Variants in ANKS1B observed in about 807,000 individuals in gnomAD.
The protein encoded by ANKS1B is ankyrin repeat and sterile alpha motif domain containing 1B.
Under a neutral mutation model 148.3 loss-of-function variants are expected in ANKS1B, and 36 were observed. That is an observed-to-expected ratio of 0.24 (90% CI 0.19 to 0.32). ANKS1B has a LOEUF of 0.32. Ranked by LOEUF, ANKS1B falls within the 10% of genes least tolerant of loss-of-function variation. The pLI is 1.00. For synonymous variants in ANKS1B, 542 were observed against 560.8 expected, an observed-to-expected ratio of 0.97 and a Z score of 0.47; for missense variants, 1,157 against 1,542.6, an observed-to-expected ratio of 0.75 and a Z score of 4.19.
intron 8 of ANKS1B, among the ~76,000 whole-genome samples, chr12:99,666,860 GTGTGTGTGTGTGTGTGTGTGTGT>G (rs2098510251): frequency 1.1e-5 from 1 of 87,288 alleles, no homozygotes; most frequent in Admixed American, 1.3e-4. Flanking sequence ...ACTATGGGGT[GTGTGTGTGTGTGTGTGTGTGTGT>G]GTGTGTGTGT....
At chr12:99,910,674 T>C (rs947653870) in intron 1 of ANKS1B, among the ~76,000 whole-genome samples, 7 of 151,906 alleles carry the variant, frequency 4.6e-5, no homozygotes, top group Non-Finnish European at 8.8e-5. Flanking sequence ...AACCATCCAA[T>C]TAAAAACTTT....
intron 9 of ANKS1B, among the ~76,000 whole-genome samples, chr12:99,571,252 C>G (rs1165147555): frequency 1.3e-5 from 2 of 152,180 alleles, no homozygotes; most frequent in East Asian, 1.9e-4. Context: ...CTCCACAACC[C>G]TTAAAGAAGA....
intron 22 of ANKS1B, among the ~76,000 whole-genome samples, chr12:98,789,956 C>T (rs1293780371): frequency 6.6e-6 from 1 of 152,092 alleles, no homozygotes; most frequent in Non-Finnish European, 1.5e-5. Context: ...GAGGATTACA[C>T]AAGCATAAGA....
intron 9 of ANKS1B, among the ~76,000 whole-genome samples, chr12:99,550,200 T>C (rs1051379808): frequency 1.4e-4 from 21 of 152,236 alleles, no homozygotes; most frequent in African/African-American, 5.1e-4. Context: ...TCTCAGTGTC[T>C]TGATAAAGTC....
At chr12:99,098,826 G>T (rs1485420337) in intron 15 of ANKS1B, among the ~76,000 whole-genome samples, 5 of 151,076 alleles carry the variant, frequency 3.3e-5, no homozygotes, top group Admixed American at 1.3e-4. Flanking sequence ...ACTTGATCTG[G>T]CATCCCACAG....
At chr12:99,830,467 T>C (rs571023239) in intron 1 of ANKS1B, among the ~76,000 whole-genome samples, 22 of 152,058 alleles carry the variant, frequency 1.4e-4, no homozygotes, top group African/African-American at 5.3e-4. Context: ...AAAAAAATTG[T>C]GAAACAAGAA....
At chr12:98,738,140 C>G (rs2097782496) in intron 9 of ANKS1B, among the ~76,000 whole-genome samples, 1 of 152,156 alleles carries the variant, frequency 6.6e-6, no homozygotes. Flanking sequence ...AGAGACCAGG[C>G]CTTTGAAGTC....
At chr12:99,240,968 T>C (rs2089193230) in intron 14 of ANKS1B, among the ~76,000 whole-genome samples, 1 of 152,082 alleles carries the variant, frequency 6.6e-6, no homozygotes, top group Admixed American at 6.6e-5. Flanking sequence ...ATTGACACGC[T>C]AACATCACAA....
chr12:99,843,682 T>C (rs539073684), intron 1 of ANKS1B, among the ~76,000 whole-genome samples: 2 of 152,148 alleles, frequency 1.3e-5, no homozygotes, highest in African/African-American at 4.8e-5. Context: ...GTTGATTCCA[T>C]GTCTTTGTTT....
intron 9 of ANKS1B, among the ~76,000 whole-genome samples, chr12:99,566,314 C>T (rs539753074): frequency 6.6e-6 from 1 of 152,280 alleles, no homozygotes; most frequent in South Asian, 2.1e-4. Context: ...CAAGCAAGTT[C>T]ATTGCCCACA....
intron 16 of ANKS1B, among the ~76,000 whole-genome samples, chr12:99,078,632 T>C (rs2048609182): frequency 6.6e-6 from 1 of 152,212 alleles, no homozygotes; most frequent in Admixed American, 6.5e-5. Context: ...GGTGTTTTTT[T>C]CCTTGTAGTT....
rs117221498 is a variant in ANKS1B at position 99,483,767 on chromosome 12, G to A, written c.1438+20709C>T. Among the ~76,000 whole-genome samples the A allele has an allele frequency of 1.5e-3, 229 of 151,848 alleles. 5 individuals carry two copies. In the East Asian group the frequency reaches 0.036, roughly 24 times the overall value. ...CCAGGAATTGACCCATTTCCTCTAG[G>A]TTTTCTAGTTCATGTGTGTATAGGT... On this transcript the variant is annotated intron_variant, in intron 10 of 26. Transcript: ENST00000683438.
In ANKS1B at chr12:99,932,706, T is replaced by C. The variant is rs186651668; in HGVS notation, c.134+51398A>G. Among the ~76,000 whole-genome samples, 70 of 152,296 alleles carry C rather than the reference T, an allele frequency of 4.6e-4. No homozygotes were observed. The East Asian group carries it at 0.01, about 23-fold the overall frequency. ...TTGTCAGATGGATAGTTTGCAAATA[T>C]TTTCTCTCATTCTGTGGATTGTCTC... On this transcript the variant is annotated intron_variant, in intron 1 of 26. Coordinates refer to ENST00000683438, the MANE Select transcript of ANKS1B (RefSeq NM_001352186.2).
At chr12:99,818,346 A>G (rs1468472870) in intron 2 of ANKS1B, among the ~76,000 whole-genome samples, 1 of 151,846 alleles carries the variant, frequency 6.6e-6, no homozygotes, top group African/African-American at 2.4e-5. Context: ...TGGTTCCACG[A>G]TTTTGCAGCT....
intron 12 of ANKS1B, among the ~76,000 whole-genome samples, chr12:99,252,910 G>C (rs1483485653): frequency 1.3e-5 from 2 of 152,256 alleles, no homozygotes; most frequent in East Asian, 3.9e-4. Flanking sequence ...AGATGTGAGG[G>C]AGAAAAACAT....
intron 14 of ANKS1B, among the ~76,000 whole-genome samples, chr12:99,174,566 C>T (rs539659354): frequency 3.3e-5 from 5 of 152,204 alleles, no homozygotes; most frequent in East Asian, 1.9e-4. Context: ...CTGCTGTACA[C>T]ACAGGGCATA....
At chr12:99,292,764 T>C (rs2080205723) in intron 12 of ANKS1B, among the ~76,000 whole-genome samples, 1 of 152,042 alleles carries the variant, frequency 6.6e-6, no homozygotes, top group Non-Finnish European at 1.5e-5. Flanking sequence ...TCATCATCAC[T>C]GGGTATCAGA....
At chr12:98,957,037 C>T (rs1296049751) in intron 17 of ANKS1B, among the ~76,000 whole-genome samples, 1 of 152,170 alleles carries the variant, frequency 6.6e-6, no homozygotes, top group African/African-American at 2.4e-5. Flanking sequence ...CAAAAGGTAT[C>T]ATTGAAAAAC....
chr12:99,224,152 A>C (rs543254610), intron 14 of ANKS1B, among the ~76,000 whole-genome samples: 2 of 152,296 alleles, frequency 1.3e-5, no homozygotes, highest in South Asian at 4.1e-4. Context: ...GTTTGAATAT[A>C]AAGTAATGAT....
Sources: allele counts gnomAD v4.1 joint callset (sites outside exome capture counted in the v4.1 genomes callset), GRCh38; gene constraint gnomAD v4.1.1; transcripts MANE v1.5; gene names NCBI Gene and HGNC (gene_info 2026-07-23, HGNC 2026-07-21).